RSRC1: variants seen among roughly 807,000 people sequenced by gnomAD.
RSRC1 encodes arginine and serine rich coiled-coil 1, also known as serine/Arginine-related protein 53.
A neutral mutation model predicts 49.1 loss-of-function variants in RSRC1; 39 were observed. That is an observed-to-expected ratio of 0.79 (90% confidence interval 0.61 to 1.04). The LOEUF (loss-of-function observed/expected upper bound fraction) is 1.04. RSRC1 is among the 50% of genes least tolerant of loss of function. The probability of loss-of-function intolerance (pLI) is 0.00; values close to 1 mark genes in which losing one functional copy is unlikely to be tolerated. For synonymous variants in RSRC1, 143 were observed against 130.8 expected, an observed-to-expected ratio of 1.09 and a Z score of -0.63; for missense variants, 388 against 402.4, an observed-to-expected ratio of 0.96 and a Z score of 0.31.
intron 6 of RSRC1, among the ~76,000 whole-genome samples, chr3:158,449,766 G>A (rs571469791): frequency 3.3e-5 from 5 of 152,056 alleles, no homozygotes; most frequent in African/African-American, 9.6e-5. Flanking sequence ...GATTTGTGCC[G>A]TAATTTCTTT....
At chr3:158,515,868 C>A (rs1017378056) in intron 7 of RSRC1, among the ~76,000 whole-genome samples, 22 of 152,062 alleles carry the variant, frequency 1.4e-4, no homozygotes, top group Non-Finnish European at 4.4e-5. Flanking sequence ...ATCGCTGATA[C>A]CCTTTCTTCC....
intron 6 of RSRC1, among the ~76,000 whole-genome samples, chr3:158,454,133 G>A (rs561372082): frequency 6.6e-6 from 1 of 151,826 alleles, no homozygotes; most frequent in Non-Finnish European, 1.5e-5. Flanking sequence ...AAAGTTCTGA[G>A]GAAATCTATT....
chr3:158,268,537 T>A (rs1362141763), intron 4 of RSRC1, among the ~76,000 whole-genome samples: 1 of 152,216 alleles, frequency 6.6e-6, no homozygotes, highest in Non-Finnish European at 1.5e-5. Context: ...TCTGCAGCCA[T>A]AGCCATAGGA....
intron 7 of RSRC1, among the ~76,000 whole-genome samples, chr3:158,489,764 A>G (rs1738987968): frequency 1.3e-5 from 2 of 152,128 alleles, no homozygotes; most frequent in South Asian, 4.1e-4. Context: ...AATTGAATAC[A>G]TTGTTGTAGC....
At chr3:158,488,682 A>T (rs375344819) in intron 7 of RSRC1, among the ~76,000 whole-genome samples, 1 of 152,192 alleles carries the variant, frequency 6.6e-6, no homozygotes, top group Non-Finnish European at 1.5e-5. Context: ...TTTCTTTTTG[A>T]CAGGTGAAAG....
intron 3 of RSRC1, among the ~76,000 whole-genome samples, chr3:158,163,779 A>T (rs1450329918): frequency 1.3e-5 from 2 of 149,516 alleles, no homozygotes; most frequent in African/African-American, 4.9e-5. Flanking sequence ...TTTTAATGTT[A>T]GCAAGAGTGT....
intron 7 of RSRC1, among the ~76,000 whole-genome samples, chr3:158,497,232 C>A (rs1739372892): frequency 6.8e-6 from 1 of 146,258 alleles, no homozygotes; most frequent in African/African-American, 2.5e-5. Context: ...TAGCCCCTGG[C>A]AACCACCATT....
chr3:158,112,105 G>T (rs925959016), intron 1 of RSRC1, among the ~76,000 whole-genome samples: 1 of 152,170 alleles, frequency 6.6e-6, no homozygotes, highest in Non-Finnish European at 1.5e-5. Context: ...AGGAAACCAA[G>T]AGCTATAGGA....
intron 3 of RSRC1, among the ~76,000 whole-genome samples, chr3:158,161,042 C>T (rs1010654309): frequency 6.6e-6 from 1 of 152,064 alleles, no homozygotes; most frequent in African/African-American, 2.4e-5. Context: ...TTTTTTCCCC[C>T]TTGGCAGAGC....
chr3:158,135,989 T>C (rs7622971), intron 3 of RSRC1, among the ~76,000 whole-genome samples: 108,235 of 152,110 alleles, frequency 0.71, 39,243 homozygotes, highest in African/African-American at 0.83. Flanking sequence ...CAGAGCCCAC[T>C]TTGTCAAGGA....
chr3:158,367,394 C>T (rs1731827161), intron 6 of RSRC1, among the ~76,000 whole-genome samples: 1 of 152,096 alleles, frequency 6.6e-6, no homozygotes, highest in African/African-American at 2.4e-5. Flanking sequence ...TTCAAATAAT[C>T]ATGTGGTTTT....
chr3:158,487,946 C>CAAAAAAAAAAAAAAAAA lies in RSRC1; in HGVS notation c.652+26945_652+26946insAAAAAAAAAAAAAAAAA, dbSNP rs1303656428. On this transcript the variant is annotated intron_variant, in intron 7 of 9. Coordinates refer to ENST00000611884, the MANE Select transcript of RSRC1 (RefSeq NM_001271838.2). ...GCCTAGGAGACAAGAGACTCCATCT[C>CAAAAAAAAAAAAAAAAA]AAGAAAAAAAAAAAAAAAAAAAAAA... Among the ~76,000 whole-genome samples, 102 of 11,466 alleles carry CAAAAAAAAAAAAAAAAA rather than the reference C, an allele frequency of 8.9e-3. 9 individuals carry two copies. Among genetic ancestry groups the CAAAAAAAAAAAAAAAAA allele is most frequent in the Middle Eastern group, 0.1 (1 of 10 alleles). The allele number at this position is 11,466 out of a possible 152,430, so 7.5% of individuals were successfully genotyped here.
chr3:158,226,330 G>C (rs545188232), intron 4 of RSRC1, among the ~76,000 whole-genome samples: 2 of 151,886 alleles, frequency 1.3e-5, no homozygotes, highest in African/African-American at 4.8e-5. Flanking sequence ...ACCTAATAGG[G>C]AGCTAGCTAG....
At chr3:158,497,678 G>T (rs1006155473) in intron 7 of RSRC1, among the ~76,000 whole-genome samples, 1 of 151,934 alleles carries the variant, frequency 6.6e-6, no homozygotes, top group African/African-American at 2.4e-5. Context: ...CTCGTGATCC[G>T]CCTGCCTCAG....
intron 5 of RSRC1, among the ~76,000 whole-genome samples, chr3:158,328,139 A>G (rs1013586716): frequency 2.0e-5 from 3 of 151,892 alleles, no homozygotes; most frequent in Non-Finnish European, 2.9e-5. Flanking sequence ...TGCACATGAG[A>G]TGGGTTTCCT....
intron 7 of RSRC1, among the ~76,000 whole-genome samples, chr3:158,509,198 A>G (rs764310462): frequency 1.3e-5 from 2 of 152,158 alleles, no homozygotes; most frequent in Admixed American, 6.5e-5. Flanking sequence ...ATCCAACCCT[A>G]TTATTTTTGC....
In RSRC1 at chr3:158,149,744, A is replaced by G. The variant is rs180741242; in HGVS notation, c.320+25753A>G. ...CCTTTCTTAGATTGTAAAACCCATC[A>G]GGATCAAAGACCAAGGGGGCATGGC... On this transcript the variant is annotated intron_variant, in intron 3 of 9. Transcript: ENST00000611884. Among the ~76,000 whole-genome samples, 123 of 152,304 alleles carry G rather than the reference A, an allele frequency of 8.1e-4. 2 individuals carry two copies. In the East Asian group the frequency reaches 0.019, roughly 23 times the overall value.
chr3:158,247,439 C>T (rs572668401), intron 4 of RSRC1, among the ~76,000 whole-genome samples: 7 of 152,266 alleles, frequency 4.6e-5, no homozygotes, highest in Admixed American at 2.0e-4. Flanking sequence ...TTGGAGAAAA[C>T]GGCAATCTGG....
intron 5 of RSRC1, among the ~76,000 whole-genome samples, chr3:158,325,722 G>C (rs1729091066): frequency 6.6e-6 from 1 of 152,058 alleles, no homozygotes; most frequent in African/African-American, 2.4e-5. Context: ...GCTCTTTTTT[G>C]GTTCCATATG....
Sources: gnomAD v4.1 joint callset for allele counts (sites outside exome capture counted in the v4.1 genomes callset) on GRCh38, gnomAD v4.1.1 for gene constraint, MANE v1.5 for transcripts, NCBI Gene and HGNC (gene_info 2026-07-23, HGNC 2026-07-21) for gene names.